Variants in UGGT1 observed in about 807,000 individuals in gnomAD.
UGGT1 encodes the protein UDP-glucose:glycoprotein glucosyltransferase 1.
In UGGT1, 107 loss-of-function variants were observed where a neutral mutation model predicts 203.9. The ratio of observed to expected loss-of-function variants is 0.52; its 90% CI spans 0.45 to 0.62. UGGT1 has a LOEUF of 0.62. UGGT1 is among the 20% of genes least tolerant of loss of function. UGGT1 has a pLI of 0.00. For synonymous variants in UGGT1, 628 were observed against 653.5 expected (o/e 0.96, Z 0.59); for missense variants, 1,673 against 1,867.2 (o/e 0.90, Z 1.92).
intron 16 of UGGT1, among the ~76,000 whole-genome samples, chr2:128,141,304 C>G (rs1279105550): frequency 6.6e-6 from 1 of 151,778 alleles, no homozygotes; most frequent in Non-Finnish European, 1.5e-5. Context: ...ACTAAAAATA[C>G]AAAAATTGGG....
In UGGT1 at chr2:128,136,673, T is replaced by C. The variant is rs1391324732; in HGVS notation, c.1583+1712T>C. Among the ~76,000 whole-genome samples, 2 of 152,274 alleles carry C rather than the reference T, an allele frequency of 1.3e-5. 1 individual carries two copies. Among genetic ancestry groups the C allele is most frequent in the South Asian group, 4.1e-4 (2 of 4,834 alleles). On this transcript the variant is annotated intron_variant, in intron 15 of 40. Transcript: ENST00000259253. ...GTTATGAATAAACCTGCTATAAACA[T>C]CTGGGTGCAGGTATTTGTGTGGACA...
chr2:128,123,820 T>G (rs1688491839), intron 11 of UGGT1, among the ~76,000 whole-genome samples: 1 of 152,236 alleles, frequency 6.6e-6, no homozygotes, highest in South Asian at 2.1e-4. Context: ...TTGGATCCTC[T>G]GTTGCTTGAT....
intron 5 of UGGT1, 95 bp downstream of exon 5, chr2:128,109,841 T>C: frequency 1.0e-6 from 1 of 993,874 alleles, no homozygotes; most frequent in South Asian, 1.4e-5. Context: ...TTTTGTATCA[T>C]TAGGTGTAAT....
At chr2:128,182,910 T>C (rs1245922112) in intron 37 of UGGT1, among the ~76,000 whole-genome samples, 1 of 25,992 alleles carries the variant, frequency 3.8e-5, no homozygotes, top group Non-Finnish European at 9.5e-5. Flanking sequence ...GTAACTTGGC[T>C]TTTTTTTTTT....
Position 128,172,678 on chromosome 2 carries a change from C to A in UGGT1, c.3210C>A (p.Phe1070Leu). 1 of 1,614,128 alleles carries A rather than the reference C, an allele frequency of 6.2e-7. No homozygotes were observed. ...KFLDMPQSPLFTLNLNTPESW... is the reference protein window; with the variant it reads ...KFLDMPQSPLLTLNLNTPESW... Reference sequence around the variant, plus strand: ...TGGATATGCCTCAGTCTCCACTGTTCACTCTGAATTTGAACACACCTGAGA... The same window carrying A: ...TGGATATGCCTCAGTCTCCACTGTTAACTCTGAATTTGAACACACCTGAGA... The change falls in exon 29 of 41, where the codon TTC becomes TTA. Residue 1070 changes from phenylalanine to leucine, a missense_variant. By Grantham distance (22) the Phe-to-Leu change is conservative. Transcript: ENST00000259253.
At chr2:128,099,201 T>C (rs13399752) in intron 2 of UGGT1, among the ~76,000 whole-genome samples, 136,961 of 152,154 alleles carry the variant, frequency 0.9, 62,434 homozygotes, top group Non-Finnish European at 0.98. Context: ...TAGAGTGTAG[T>C]GGTGTGATCT....
At chr2:128,121,706 G>C (rs1573528608) in intron 10 of UGGT1, among the ~76,000 whole-genome samples, 1 of 151,976 alleles carries the variant, frequency 6.6e-6, no homozygotes, top group South Asian at 2.1e-4. Flanking sequence ...CACGCCTGGC[G>C]AAAATTAAGA....
intron 26 of UGGT1, among the ~76,000 whole-genome samples, chr2:128,169,129 G>A (rs932884563): frequency 2.9e-5 from 4 of 137,976 alleles, no homozygotes; most frequent in Non-Finnish European, 6.1e-5. Context: ...CCATTGCTTT[G>A]AGAAGCCAAG....
rs528607445 is a variant in UGGT1 at position 128,146,832 on chromosome 2, G to A, written c.2016+865G>A. Among the ~76,000 whole-genome samples, 15 of 152,264 alleles carry A rather than the reference G, an allele frequency of 9.9e-5. No individual in the cohort carries two copies. In the East Asian group the frequency reaches 2.1e-3, roughly 22 times the overall value. On this transcript the variant is annotated intron_variant, in intron 18 of 40. Transcript: ENST00000259253. Reference sequence around the variant, plus strand: ...CTTAATAGATTTGCTTGTTCTGGACGTTGTATACAAATCAAATTTGCAGAG... The same window carrying A: ...CTTAATAGATTTGCTTGTTCTGGACATTGTATACAAATCAAATTTGCAGAG...
chr2:128,097,534 G>T lies in UGGT1; in HGVS notation c.164G>T (p.Trp55Leu), dbSNP rs1355763408. 6.2e-7 allele frequency: 1 copy of T among 1,613,940 alleles called. No homozygotes were observed. Among genetic ancestry groups the T allele is most frequent in the Non-Finnish European group, 8.5e-7 (1 of 1,180,008 alleles). Residue 55 changes from tryptophan (W) to leucine (L), a missense_variant, in exon 2 of 41, where the codon TGG (tryptophan) becomes TTG (leucine). Transcript: ENST00000259253. ...ATTACAACCTCTCTTACAACAAAAT[G>T]GTTTTCCACTCCATTGTTGTTAGAA... The part of the protein sequence containing the change: ...KAITTSLTTK[W>L]FSTPLLLEAS...
rs772064248 is a variant in UGGT1 at position 128,159,527 on chromosome 2, A to G, written c.2369A>G (p.Asn790Ser). Residue 790 changes from asparagine to serine, a missense_variant, in exon 23 of 41, where the codon AAT (asparagine) becomes AGT (serine). Around this residue, in one of 4 missense-constraint regions of UGGT1, gnomAD observed 1,073 missense variants for 1,078.7 expected, o/e 0.99. Transcript: ENST00000259253. ...DAIKHQKSSNNVRISMINNPA... is the reference protein window; with the variant it reads ...DAIKHQKSSNSVRISMINNPA... ...TTTTGTGAACAGAAATCCAGTAACA[A>G]TGTTAGAATAAGCATGATCAATAAT... 1.7e-5 allele frequency: 27 copies of G among 1,614,004 alleles called. No individual in the cohort carries two copies. The highest frequency in any genetic ancestry group is 2.2e-5 in the Non-Finnish European group (26 of 1,179,984).
intron 26 of UGGT1, among the ~76,000 whole-genome samples, chr2:128,169,117 T>C (rs964560314): frequency 2.9e-5 from 4 of 137,320 alleles, no homozygotes; most frequent in African/African-American, 1.1e-4. Context: ...TGGTGGCTTA[T>C]GCCATTGCTT....
intron 31 of UGGT1, among the ~76,000 whole-genome samples, chr2:128,176,395 A>AAAACTCT (rs1345886232): frequency 6.7e-6 from 1 of 148,872 alleles, no homozygotes; most frequent in East Asian, 1.9e-4. Context: ...GCAACAGAGC[A>AAAACTCT]AAACTCTGTC....
chr2:128,189,575 C>A, intron 40 of UGGT1, 142 bp from the exon 41 acceptor site: 1 of 888,570 alleles, frequency 1.1e-6, no homozygotes, highest in Non-Finnish European at 1.7e-6. Flanking sequence ...TACAAAAGCA[C>A]AAATCCCAAA....
chr2:128,112,417 T>G (rs1687897059), intron 5 of UGGT1, among the ~76,000 whole-genome samples: 1 of 106,058 alleles, frequency 9.4e-6, no homozygotes. Flanking sequence ...TGAAACTCCA[T>G]CTCCAAAAAA....
intron 30 of UGGT1, 30 bp from the exon 31 acceptor site, chr2:128,174,743 G>T (rs750289543): frequency 7.0e-6 from 11 of 1,574,756 alleles, no homozygotes; most frequent in Non-Finnish European, 9.5e-6. Context: ...GTTTTGAAGA[G>T]AGCTAACTGG....
chr2:128,144,934 T>C (rs1191460788), intron 17 of UGGT1, among the ~76,000 whole-genome samples: 1 of 152,188 alleles, frequency 6.6e-6, no homozygotes, highest in East Asian at 1.9e-4. Context: ...GGTAATACAG[T>C]TTTTACTCTG....
intron 2 of UGGT1, chr2:128,102,992 A>T (rs767328225): frequency 2.8e-5 from 13 of 461,036 alleles, no homozygotes; most frequent in Non-Finnish European, 4.9e-5. Context: ...ATATATTATG[A>T]TAATGGGTAT....
chr2:128,127,505 T>C, intron 12 of UGGT1, 53 bp downstream of exon 12: 1 of 1,295,200 alleles, frequency 7.7e-7, no homozygotes, highest in Non-Finnish European at 1.1e-6. Context: ...CGTAGCACCT[T>C]GTAACATGTT....
Sources: allele counts gnomAD v4.1 joint callset (sites outside exome capture counted in the v4.1 genomes callset), GRCh38; gene constraint gnomAD v4.1.1; regional missense constraint gnomAD v4.1.1; transcripts MANE v1.5; gene names NCBI Gene and HGNC (gene_info 2026-07-23, HGNC 2026-07-21).